Variants in ROBO1 observed in about 807,000 individuals in gnomAD.
ROBO1 encodes the protein roundabout guidance receptor 1.
In ROBO1, 149 loss-of-function variants were observed where a neutral mutation model predicts 195.9. The observed-to-expected ratio is 0.76, with a 90% confidence interval of 0.67 to 0.87. ROBO1 has a LOEUF of 0.87. Among genes scored for constraint, ROBO1 ranks in the 40% least tolerant of loss-of-function variants. The pLI is 0.00. For synonymous variants in ROBO1, 816 were observed against 733.2 expected, an observed-to-expected ratio of 1.11 and a Z score of -1.82; for missense variants, 1,933 against 2,068.3, an observed-to-expected ratio of 0.93 and a Z score of 1.27.
intron 2 of ROBO1, among the ~76,000 whole-genome samples, chr3:79,503,310 G>A (rs571495851): frequency 6.6e-6 from 1 of 152,242 alleles, no homozygotes; most frequent in South Asian, 2.1e-4. Flanking sequence ...CCACCAGAAG[G>A]AAGAAACTCC....
At chr3:78,940,796 T>C (rs1362220304) in intron 3 of ROBO1, among the ~76,000 whole-genome samples, 1 of 152,222 alleles carries the variant, frequency 6.6e-6, no homozygotes, top group Non-Finnish European at 1.5e-5. Flanking sequence ...TCTGTGGGTC[T>C]GGTTTTGCTC....
intron 7 of ROBO1, chr3:78,715,045 T>C (rs529903953): frequency 6.6e-6 from 1 of 152,348 alleles, no homozygotes; most frequent in Non-Finnish European, 1.5e-5. Flanking sequence ...TTGCCTCATC[T>C]TCCCTCCCTC....
intron 2 of ROBO1, among the ~76,000 whole-genome samples, chr3:79,194,259 G>C (rs2081591287): frequency 6.6e-6 from 1 of 151,576 alleles, no homozygotes; most frequent in African/African-American, 2.4e-5. Context: ...AACCTCTCTT[G>C]TTAGCAAACA....
At chr3:79,198,553 A>G (rs928210641) in intron 2 of ROBO1, among the ~76,000 whole-genome samples, 113 of 152,172 alleles carry the variant, frequency 7.4e-4, no homozygotes, top group African/African-American at 2.7e-3. Flanking sequence ...ACTTTAAAGT[A>G]GTTTTTTCCA....
intron 3 of ROBO1, among the ~76,000 whole-genome samples, chr3:79,045,160 A>T (rs977218533): frequency 1.3e-5 from 2 of 152,010 alleles, no homozygotes; most frequent in Non-Finnish European, 2.9e-5. Flanking sequence ...GTAAAATAAA[A>T]TAAATAATAA....
intron 2 of ROBO1, among the ~76,000 whole-genome samples, chr3:79,474,247 G>A (rs1938433433): frequency 6.6e-6 from 1 of 152,122 alleles, no homozygotes; most frequent in African/African-American, 2.4e-5. Flanking sequence ...CATGTGCTAA[G>A]TGAATCTCTA....
At chr3:79,367,305 T>A (rs1353866102) in intron 2 of ROBO1, among the ~76,000 whole-genome samples, 1 of 152,202 alleles carries the variant, frequency 6.6e-6, no homozygotes. Context: ...AGCTTTCAAG[T>A]GACCACTGGC....
intron 2 of ROBO1, among the ~76,000 whole-genome samples, chr3:79,533,739 T>C (rs1472816066): frequency 2.0e-5 from 3 of 152,176 alleles, no homozygotes; most frequent in Non-Finnish European, 4.4e-5. Context: ...TCTTTTGAAA[T>C]GCAGAAAAGT....
intron 3 of ROBO1, among the ~76,000 whole-genome samples, chr3:79,010,005 T>G (rs2108203609): frequency 6.6e-6 from 1 of 152,296 alleles, no homozygotes; most frequent in South Asian, 2.1e-4. Flanking sequence ...GGGCTGGACT[T>G]ATGTTTCTGT....
intron 3 of ROBO1, among the ~76,000 whole-genome samples, chr3:79,108,019 A>G (rs1256141249): frequency 6.6e-6 from 1 of 151,768 alleles, no homozygotes; most frequent in Non-Finnish European, 1.5e-5. Context: ...TAATACCAGT[A>G]ATACACCATA....
intron 2 of ROBO1, among the ~76,000 whole-genome samples, chr3:79,397,869 AC>A (rs1289588317): frequency 2.0e-5 from 3 of 152,006 alleles, no homozygotes; most frequent in African/African-American, 7.2e-5. Context: ...AATGAGAACC[AC>A]TCCTGGGTTT....
At chr3:79,383,222 A>T (rs537801404) in intron 2 of ROBO1, among the ~76,000 whole-genome samples, 129 of 152,208 alleles carry the variant, frequency 8.5e-4, no homozygotes, top group African/African-American at 2.9e-3. Flanking sequence ...ATTTTTGACT[A>T]CCTGAAATGC....
intron 2 of ROBO1, among the ~76,000 whole-genome samples, chr3:79,539,739 C>A (rs1430138303): frequency 6.6e-6 from 1 of 152,044 alleles, no homozygotes; most frequent in East Asian, 1.9e-4. Context: ...TTTCATCCAA[C>A]ATTACAGAGT....
intron 2 of ROBO1, among the ~76,000 whole-genome samples, chr3:79,491,203 G>A (rs940798588): frequency 6.9e-6 from 1 of 145,092 alleles, no homozygotes; most frequent in African/African-American, 2.6e-5. Context: ...GGAAGGAAAG[G>A]GGTGGACGGG....
Position 78,765,609 on chromosome 3 carries a change from T to TCTAAA in ROBO1, c.500-18710_500-18709insTTTAG, listed in dbSNP as rs1215999602. ...AATAAAGTATATTTTTAGATTATTA[T>TCTAAA]GGTGAGCACTAATATCTAACAGGCT... On this transcript the variant is annotated intron_variant, in intron 4 of 30. Transcript: ENST00000464233. Among the ~76,000 whole-genome samples the TCTAAA allele has an allele frequency of 3.3e-5, 5 of 152,164 alleles. No homozygotes were observed. In the East Asian group the frequency reaches 9.6e-4, roughly 29 times the overall value.
chr3:78,920,610 TTTTC>T (rs1161350592), intron 4 of ROBO1, among the ~76,000 whole-genome samples: 4 of 150,014 alleles, frequency 2.7e-5, no homozygotes, highest in South Asian at 2.1e-4. Context: ...CAGCCTTTCT[TTTTC>T]TTTCTTTCAG....
At chr3:78,919,000 C>T (rs1352534433) in intron 4 of ROBO1, among the ~76,000 whole-genome samples, 1 of 152,186 alleles carries the variant, frequency 6.6e-6, no homozygotes, top group African/African-American at 2.4e-5. Flanking sequence ...ATTTTATCTA[C>T]ACTTACAAAT....
chr3:79,370,303 A>T (rs2036144507), intron 2 of ROBO1, among the ~76,000 whole-genome samples: 1 of 152,118 alleles, frequency 6.6e-6, no homozygotes, highest in South Asian at 2.1e-4. Context: ...GGTTGCAGTA[A>T]ACTGAGATGG....
chr3:78,840,025 C>T (rs913654564), intron 4 of ROBO1, among the ~76,000 whole-genome samples: 3 of 152,162 alleles, frequency 2.0e-5, no homozygotes, highest in Admixed American at 6.6e-5. Flanking sequence ...GAAGGCAATA[C>T]GGGACTGTGT....
Sources: allele counts gnomAD v4.1 joint callset (sites outside exome capture counted in the v4.1 genomes callset), GRCh38; gene constraint gnomAD v4.1.1; transcripts MANE v1.5; gene names NCBI Gene and HGNC (gene_info 2026-07-23, HGNC 2026-07-21).